The following TBCD variants were observed in gnomAD, a reference collection of about 807,000 sequenced individuals.
TBCD encodes tubulin-specific chaperone D.
TBCD carries 105 observed loss-of-function variants against 169.3 expected under a neutral mutation model. That is an observed-to-expected ratio of 0.62 (90% CI 0.53 to 0.73). TBCD has a LOEUF of 0.73. TBCD is among the 30% of genes least tolerant of loss of function. The pLI, the probability that TBCD is intolerant of heterozygous loss-of-function variation, is 0.00. For missense variants in TBCD, 1,444 were observed against 1,600.1 expected, an observed-to-expected ratio of 0.90 and a Z score of 1.66; for synonymous variants, 700 against 643.9, an observed-to-expected ratio of 1.09 and a Z score of -1.32.
chr17:82,830,785 C>T (rs560357839), intron 13 of TBCD: 2 of 1,613,626 alleles, frequency 1.2e-6, no homozygotes, highest in Admixed American at 1.7e-5. Context: ...GGGGCCCATC[C>T]CGGAGCTGTC....
intron 23 of TBCD, among the ~76,000 whole-genome samples, chr17:82,919,132 G>C (rs1030180787): frequency 1.3e-5 from 2 of 152,176 alleles, no homozygotes; most frequent in African/African-American, 4.8e-5. Flanking sequence ...TAGTTTACGG[G>C]GGGGGCCCAG....
intron 13 of TBCD, chr17:82,830,006 T>C: frequency 7.2e-7 from 1 of 1,380,418 alleles, no homozygotes; most frequent in South Asian, 1.3e-5. Flanking sequence ...TTTGTTTGTT[T>C]GTTTGTTTGT....
At chr17:82,793,731 C>T (rs890951054) in intron 7 of TBCD, among the ~76,000 whole-genome samples, 3 of 152,236 alleles carry the variant, frequency 2.0e-5, no homozygotes, top group African/African-American at 7.2e-5. Flanking sequence ...TCTTCCGTGC[C>T]TGTCCTGTGG....
At position 82,870,270 on chromosome 17, in the gene TBCD, TG is replaced by T; in HGVS notation, c.1366del (p.Ala456ProfsTer28). The T allele has an allele frequency of 6.2e-7, 1 of 1,613,468 alleles. No individual in the cohort carries two copies. Among genetic ancestry groups the T allele is most frequent in the Non-Finnish European group, 8.5e-7 (1 of 1,179,872 alleles). ...CGCTGACCTACGACGAGAAGCGGGG[TG>T]CCTGCAGCGTGGGCACCAACGTCAG... ...KALTYDEKRG[A>X]CSVGTNVRDA... On this transcript the variant is annotated frameshift_variant, in exon 14 of 39. Transcript: ENST00000355528. LOFTEE classifies it high-confidence loss of function.
intron 19 of TBCD, among the ~76,000 whole-genome samples, chr17:82,905,309 C>T (rs2060163935): frequency 6.6e-6 from 1 of 152,258 alleles, no homozygotes; most frequent in South Asian, 2.1e-4. Flanking sequence ...GTTACCCACC[C>T]CGTCTGGGGC....
At chr17:82,872,980 CCGG>C (rs1293473329) in intron 14 of TBCD, among the ~76,000 whole-genome samples, 2 of 151,600 alleles carry the variant, frequency 1.3e-5, no homozygotes, top group East Asian at 1.9e-4. Flanking sequence ...TGAGCCAGGC[CCGG>C]CACCTCGTGG....
chr17:82,905,005 C>T (rs1326196111), intron 19 of TBCD, among the ~76,000 whole-genome samples: 2 of 152,232 alleles, frequency 1.3e-5, no homozygotes, highest in Admixed American at 6.5e-5. Flanking sequence ...CTCAAACCAT[C>T]GCAAGCCTGG....
At chr17:82,902,295 C>T (rs1194800076) in intron 18 of TBCD, among the ~76,000 whole-genome samples, 1 of 151,966 alleles carries the variant, frequency 6.6e-6, no homozygotes, top group Non-Finnish European at 1.5e-5. Context: ...GTTCCATACG[C>T]TTTGCTTTAG....
rs1754086077 is a variant in TBCD, at chr17:82,931,377, G to A, written c.3113+734G>A. On this transcript the variant is annotated intron_variant, in intron 33 of 38. Transcript: ENST00000355528. ...CTTAAAATCTTCCCCAGTCAGGACG[G>A]TGGGCTCCAGCCCAAGGTTTCCTCC... Among the ~76,000 whole-genome samples the A allele has an allele frequency of 2.0e-5, 3 of 152,380 alleles. No individual in the cohort carries two copies. In the East Asian group the frequency reaches 5.8e-4, roughly 29 times the overall value.
chr17:82,758,658 T>C (rs1430581770), intron 2 of TBCD, among the ~76,000 whole-genome samples: 1 of 147,234 alleles, frequency 6.8e-6, no homozygotes, highest in African/African-American at 2.5e-5. Flanking sequence ...CTTTTTTTTT[T>C]TTCTTTTTTT....
rs552853276 is a variant in TBCD, at chr17:82,831,904, A to G, written c.1318+16970A>G. On this transcript the variant is annotated intron_variant, in intron 13 of 38. Coordinates refer to ENST00000355528, the MANE Select transcript of TBCD (RefSeq NM_005993.5). This position sits in a 1 kb window ranked among gnomAD's most constrained non-coding sequence, Gnocchi z 4.6. ...CACGGCCTTGGCAGTGGGGTTGTGT[A>G]AAGCCAGTGTCTCGGGCGCCTCGGC... 5 of 1,614,210 alleles carry G rather than the reference A, an allele frequency of 3.1e-6. No homozygotes were observed. The East Asian group carries it at 1.1e-4, about 36-fold the overall frequency.
rs144563222 is a variant in TBCD at position 82,769,619 on chromosome 17, G to A, written c.582+1053G>A. ...GGGCTGGGCATGGTGGGTCACTCCT[G>A]TAATCCCAGCACTTTGGGAGGCCGG... On this transcript the variant is annotated intron_variant, in intron 5 of 38. Coordinates refer to ENST00000355528, the MANE Select transcript of TBCD (RefSeq NM_005993.5). Among the ~76,000 whole-genome samples the A allele has an allele frequency of 1.2e-4, 18 of 152,318 alleles. No homozygotes were observed. The East Asian group carries it at 3.1e-3, about 26-fold the overall frequency.
chr17:82,752,083 C>G lies in TBCD; in HGVS notation c.-111C>G, dbSNP rs1248894720. ...GGGCGGGGCCAGCGTCGGTTGCCGC[C>G]TTAGCGGGCGCCTCCTTTTCATCCC... On this transcript the variant is annotated 5_prime_UTR_variant, in exon 1 of 39. Coordinates refer to ENST00000355528, the MANE Select transcript of TBCD (RefSeq NM_005993.5). 1.0e-5 allele frequency: 13 copies of G among 1,265,174 alleles called. No individual in the cohort carries two copies. Among genetic ancestry groups the G allele is most frequent in the Non-Finnish European group, 1.3e-5 (13 of 973,322 alleles). 78.4% of individuals were successfully genotyped at this position (1,265,174 alleles called of 1,614,324 possible). A position where few individuals can be genotyped will look rare whatever the true frequency, so the allele number is the denominator to read the frequency against.
In TBCD at chr17:82,767,793, A is replaced by G. The variant is rs75087691; in HGVS notation, c.436-627A>G. Among the ~76,000 whole-genome samples the G allele has an allele frequency of 8.1e-3, 1,236 of 152,224 alleles. 13 individuals are homozygous for G. Among genetic ancestry groups the G allele is most frequent in the African/African-American group, 0.027 (1,140 of 41,524 alleles). ...AACACGGTGCAACCCTGTGTCTACAAAAAATACAAAAATTAGCCTAGCATG... is the reference window on the plus strand; with the variant it reads ...AACACGGTGCAACCCTGTGTCTACAGAAAATACAAAAATTAGCCTAGCATG... On this transcript the variant is annotated intron_variant, in intron 4 of 38. Coordinates refer to ENST00000355528, the MANE Select transcript of TBCD (RefSeq NM_005993.5).
intron 13 of TBCD, among the ~76,000 whole-genome samples, chr17:82,848,579 A>T (rs2055354223): frequency 6.6e-6 from 1 of 152,198 alleles, no homozygotes; most frequent in Non-Finnish European, 1.5e-5. Flanking sequence ...GTTTATTCAG[A>T]GGGTGCCTCT....
At chr17:82,872,334 G>A (rs1276490179) in intron 14 of TBCD, among the ~76,000 whole-genome samples, 2 of 152,218 alleles carry the variant, frequency 1.3e-5, no homozygotes, top group Admixed American at 6.5e-5. Flanking sequence ...GGCTGAGAGC[G>A]GCTGTGGCCT....
At chr17:82,773,130 G>A (rs1240687019) in intron 6 of TBCD, among the ~76,000 whole-genome samples, 13 of 152,210 alleles carry the variant, frequency 8.5e-5, no homozygotes, top group Admixed American at 8.5e-4. Flanking sequence ...CAGAACAGTT[G>A]ACATTTTCCC....
rs771608271 is a variant in TBCD, at chr17:82,889,132, C to T, written c.1534-536C>T. On this transcript the variant is annotated intron_variant, in intron 15 of 38. Transcript: ENST00000355528. This position sits in a 1 kb window ranked among gnomAD's most constrained non-coding sequence, Gnocchi z 5.3. ...TGTTTGGGGAGGACATGAGAGGCCT[C>T]CTGGAAGCACTTCATCCTGTTGAAG... Among the ~76,000 whole-genome samples the T allele has an allele frequency of 6.6e-6, 1 of 152,278 alleles. No individual in the cohort carries two copies. Among genetic ancestry groups the T allele is most frequent in the South Asian group, 2.1e-4 (1 of 4,818 alleles).
In TBCD at chr17:82,865,572, C is replaced by T. The variant is rs1226869566; in HGVS notation, c.1319-4652C>T. ...CGGCTGCACTGTGCACAGCCCTCAC[C>T]GCCCAGTGCCGAAATGGGAAGGCCT... On this transcript the variant is annotated intron_variant, in intron 13 of 38. Coordinates refer to ENST00000355528, the MANE Select transcript of TBCD (RefSeq NM_005993.5). 9 of 983,822 alleles carry T rather than the reference C, an allele frequency of 9.1e-6. No homozygotes were observed. The South Asian group carries it at 1.4e-4, about 15-fold the overall frequency. The allele number at this position is 983,822 out of a possible 1,614,324, so 60.9% of individuals were successfully genotyped here. A position where few individuals can be genotyped will look rare whatever the true frequency, so the allele number is the denominator to read the frequency against.
Sources: allele counts gnomAD v4.1 joint callset (sites outside exome capture counted in the v4.1 genomes callset), GRCh38; gene constraint gnomAD v4.1.1; non-coding constraint Gnocchi (gnomAD v3.1); transcripts MANE v1.5; gene names NCBI Gene and HGNC (gene_info 2026-07-23, HGNC 2026-07-21).